Variants in PLEKHA5 observed in about 807,000 individuals in gnomAD.
PLEKHA5 encodes pleckstrin homology domain-containing family A member 5.
A neutral mutation model predicts 181.9 loss-of-function variants in PLEKHA5; 55 were observed. The ratio of observed to expected loss-of-function variants is 0.30; its 90% CI spans 0.24 to 0.38. The LOEUF (loss-of-function observed/expected upper bound fraction) is 0.38. Among genes scored for constraint, PLEKHA5 ranks in the 10% least tolerant of loss-of-function variants. The pLI is 1.00. For synonymous variants in PLEKHA5, 535 were observed against 529.4 expected, an observed-to-expected ratio of 1.01 and a Z score of -0.15; for missense variants, 1,432 against 1,549.5, an observed-to-expected ratio of 0.92 and a Z score of 1.27.
chr12:19,235,529 A>C (rs1269017266), intron 3 of PLEKHA5, among the ~76,000 whole-genome samples: 1 of 152,166 alleles, frequency 6.6e-6, no homozygotes, highest in Admixed American at 6.5e-5. Context: ...ATTGCTTGAC[A>C]TGGTTTTTCT....
intron 16 of PLEKHA5, among the ~76,000 whole-genome samples, chr12:19,315,505 T>C (rs908823661): frequency 1.3e-5 from 2 of 152,070 alleles, no homozygotes; most frequent in East Asian, 3.9e-4. Flanking sequence ...TGTCATGGAG[T>C]TGGCTGGCTT....
At chr12:19,340,745 T>C (rs2093836535) in intron 21 of PLEKHA5, among the ~76,000 whole-genome samples, 1 of 147,672 alleles carries the variant, frequency 6.8e-6, no homozygotes, top group Non-Finnish European at 1.5e-5. Context: ...AAACAGATGC[T>C]TGAAGGCAGC....
At chr12:19,353,734 C>T in intron 25 of PLEKHA5, 150 bp from the exon 26 acceptor site, 2 of 543,166 alleles carry the variant, frequency 3.7e-6, no homozygotes, top group East Asian at 3.3e-5. Flanking sequence ...GCTGGGATTA[C>T]AGGCGTGAGC....
At chr12:19,269,703 C>A in intron 8 of PLEKHA5, 67 bp from the exon 9 acceptor site, 1 of 756,062 alleles carries the variant, frequency 1.3e-6, no homozygotes, top group Non-Finnish European at 2.1e-6. Flanking sequence ...AATCACTTAC[C>A]TTTTTTTCTT....
At chr12:19,337,055 T>G (rs2093485783) in intron 21 of PLEKHA5, among the ~76,000 whole-genome samples, 2 of 148,682 alleles carry the variant, frequency 1.3e-5, no homozygotes, top group Admixed American at 6.8e-5. Flanking sequence ...TGGCGCGATC[T>G]TGGCTCACCG....
intron 2 of PLEKHA5, 41 bp from the exon 3 acceptor site, chr12:19,132,352 T>C: frequency 1.1e-6 from 1 of 920,884 alleles, no homozygotes; most frequent in South Asian, 1.4e-5. Context: ...TATTTTGCTA[T>C]CATTGAAGTA....
chr12:19,281,070 T>A (rs920759895), intron 11 of PLEKHA5, among the ~76,000 whole-genome samples: 2 of 151,808 alleles, frequency 1.3e-5, no homozygotes, highest in African/African-American at 4.8e-5. Context: ...AAAGTTACGT[T>A]TGGGAAAAAT....
At chr12:19,290,301 G>C (rs748745793) in intron 13 of PLEKHA5, among the ~76,000 whole-genome samples, 11 of 152,082 alleles carry the variant, frequency 7.2e-5, no homozygotes, top group Admixed American at 1.3e-4. Context: ...ACTATTGCTG[G>C]GAAAAGGTGT....
chr12:19,318,906 G>A (rs1007048669), intron 16 of PLEKHA5, among the ~76,000 whole-genome samples: 19 of 152,288 alleles, frequency 1.2e-4, no homozygotes, highest in Middle Eastern at 6.8e-3. Context: ...GGGCAATAAC[G>A]AGACTCCATC....
chr12:19,367,267 T>C (rs1257171029), intron 30 of PLEKHA5, among the ~76,000 whole-genome samples: 10 of 140,514 alleles, frequency 7.1e-5, no homozygotes, highest in South Asian at 4.7e-4. Context: ...TCTTTTTTTT[T>C]TTTTTTTTTT....
Position 19,286,410 on chromosome 12 carries a change from C to T in PLEKHA5, c.1780-1063C>T, listed in dbSNP as rs568206499. Among the ~76,000 whole-genome samples the T allele has an allele frequency of 5.3e-5, 8 of 152,232 alleles. 1 individual carries two copies. The highest frequency in any genetic ancestry group is 1.7e-4 in the African/African-American group (7 of 41,536). On this transcript the variant is annotated intron_variant, in intron 12 of 31. Coordinates refer to ENST00000429027, the MANE Select transcript of PLEKHA5 (RefSeq NM_001256470.2). ...ATAGCGCAGTGTCAAAGATGAACAT[C>T]TATAATTATCAAGAAAAACTATTAA...
intron 3 of PLEKHA5, among the ~76,000 whole-genome samples, chr12:19,173,049 C>A (rs2046347543): frequency 1.0e-5 from 1 of 96,536 alleles, no homozygotes; most frequent in Non-Finnish European, 1.9e-5. Context: ...CGGAGTCTCG[C>A]TCTGTCGCCC....
At chr12:19,175,921 C>T (rs2047083154) in intron 3 of PLEKHA5, among the ~76,000 whole-genome samples, 1 of 152,064 alleles carries the variant, frequency 6.6e-6, no homozygotes, top group Non-Finnish European at 1.5e-5. Context: ...GGATTCTGCC[C>T]GGGTTGTACC....
chr12:19,136,845 T>C (rs927684431), intron 3 of PLEKHA5, among the ~76,000 whole-genome samples: 3 of 152,162 alleles, frequency 2.0e-5, no homozygotes, highest in Non-Finnish European at 4.4e-5. Context: ...AGGTTTTGTT[T>C]CAATATCTGC....
chr12:19,259,452 A>T (rs1338059200), intron 6 of PLEKHA5, among the ~76,000 whole-genome samples: 1 of 152,040 alleles, frequency 6.6e-6, no homozygotes, highest in African/African-American at 2.4e-5. Flanking sequence ...AAAGAATATA[A>T]TGAAGTAATT....
At chr12:19,306,340 G>GT (rs745832496) in intron 15 of PLEKHA5, 1 of 427,258 alleles carries the variant, frequency 2.3e-6, no homozygotes. Context: ...GGGGGTGGCC[G>GT]TTTGTTTTCT....
At chr12:19,213,696 CTG>C (rs1445206063) in intron 3 of PLEKHA5, among the ~76,000 whole-genome samples, 1 of 152,082 alleles carries the variant, frequency 6.6e-6, no homozygotes, top group East Asian at 1.9e-4. Context: ...GGATTTTAAA[CTG>C]TGGCAGTGGA....
intron 15 of PLEKHA5, chr12:19,303,507 G>A (rs1490150747): frequency 1.3e-5 from 2 of 152,202 alleles, no homozygotes; most frequent in East Asian, 3.9e-4. Context: ...AGGCTATATA[G>A]TCCCAGCTAC....
At chr12:19,171,396 A>G (rs1285048799) in intron 3 of PLEKHA5, among the ~76,000 whole-genome samples, 1 of 152,216 alleles carries the variant, frequency 6.6e-6, no homozygotes, top group Non-Finnish European at 1.5e-5. Context: ...CTACCTGTAA[A>G]TATAGATTTA....
Sources: allele counts gnomAD v4.1 joint callset (sites outside exome capture counted in the v4.1 genomes callset), GRCh38; gene constraint gnomAD v4.1.1; transcripts MANE v1.5; gene names NCBI Gene and HGNC (gene_info 2026-07-23, HGNC 2026-07-21).